Variants in DEAF1 observed in about 807,000 individuals in gnomAD.
DEAF1 encodes DEAF1 transcription factor, also known as deformed epidermal autoregulatory factor 1 homolog.
DEAF1 carries 53 observed loss-of-function variants against 58.9 expected under a neutral mutation model. The observed-to-expected ratio is 0.90, with a 90% CI of 0.72 to 1.13. DEAF1 has a LOEUF of 1.13. DEAF1 is among the 50% of genes most tolerant of loss of function. The pLI is 0.00. For missense variants in DEAF1, 685 were observed against 791.4 expected, an observed-to-expected ratio of 0.87 and a Z score of 1.61; for synonymous variants, 385 against 340.4, an observed-to-expected ratio of 1.13 and a Z score of -1.44.
chr11:667,380 G>C (rs987177893), intron 10 of DEAF1, among the ~76,000 whole-genome samples: 4 of 131,588 alleles, frequency 3.0e-5, no homozygotes, highest in African/African-American at 1.1e-4. Flanking sequence ...AGGAAGGAAG[G>C]AAGGAAGGAG....
Position 644,395 on chromosome 11 carries a change from C to T in DEAF1, c.*155G>A, listed in dbSNP as rs547492958. The stretch of plus-strand genomic sequence containing the variant: ...GGAGTGCGCTTCCCAGGGCACCATT[C>T]GCTTAAAGTGTGTTAATGACTTGTC... On this transcript the variant is annotated 3_prime_UTR_variant, in exon 12 of 12. Transcript: ENST00000382409. This position sits in a 1 kb window ranked among gnomAD's most constrained non-coding sequence, Gnocchi z 4.3. 1.1e-3 allele frequency: 754 copies of T among 688,590 alleles called. 10 individuals carry two copies. The highest frequency in any genetic ancestry group is 6.6e-3 in the South Asian group (417 of 63,608). 42.7% of individuals were successfully genotyped at this position (688,590 alleles called of 1,614,324 possible). A position where few individuals can be genotyped will look rare whatever the true frequency, so the allele number is the denominator to read the frequency against.
At chr11:670,748 T>G (rs1301064711) in intron 10 of DEAF1, among the ~76,000 whole-genome samples, 2 of 139,460 alleles carry the variant, frequency 1.4e-5, no homozygotes, top group East Asian at 4.4e-4. Flanking sequence ...ATTTTTTTCC[T>G]TTTTAATTTC....
chr11:706,111 T>A (rs2133487238), intron 1 of DEAF1: 1 of 151,178 alleles, frequency 6.6e-6, no homozygotes, highest in East Asian at 2.0e-4. Flanking sequence ...GCCCGCCCGC[T>A]CTCGGGTGAC....
At chr11:680,369 A>T (rs1162533923) in intron 7 of DEAF1, among the ~76,000 whole-genome samples, 1 of 152,238 alleles carries the variant, frequency 6.6e-6, no homozygotes, top group Non-Finnish European at 1.5e-5. Flanking sequence ...GCAAAAACCC[A>T]GACTTAGTTA....
chr11:683,232 T>C (rs1433560852), intron 6 of DEAF1, among the ~76,000 whole-genome samples: 1 of 152,222 alleles, frequency 6.6e-6, no homozygotes, highest in Non-Finnish European at 1.5e-5. Context: ...TGAAGTCCAA[T>C]CCAAGAAATC....
At chr11:672,329 GTTCA>G (rs1373516332) in intron 10 of DEAF1, among the ~76,000 whole-genome samples, 1 of 151,722 alleles carries the variant, frequency 6.6e-6, no homozygotes, top group Non-Finnish European at 1.5e-5. Flanking sequence ...GAGAATCACC[GTTCA>G]TTATGTGCTT....
At chr11:654,457 G>A (rs906119190) in intron 10 of DEAF1, among the ~76,000 whole-genome samples, 1 of 151,172 alleles carries the variant, frequency 6.6e-6, no homozygotes, top group African/African-American at 2.5e-5. Flanking sequence ...GAGCCACTGC[G>A]CCCAGCTCCC....
intron 1 of DEAF1, chr11:704,492 C>T (rs1394966609): frequency 1.3e-5 from 17 of 1,289,250 alleles, no homozygotes; most frequent in African/African-American, 3.0e-5. Context: ...CACACACCAG[C>T]GCCTGAGCGC....
intron 11 of DEAF1, among the ~76,000 whole-genome samples, chr11:652,562 C>T (rs538699533): frequency 6.6e-5 from 10 of 151,784 alleles, no homozygotes; most frequent in South Asian, 2.1e-4. Context: ...CACTTGAACC[C>T]GGGAGGCAGA....
upstream of DEAF1, among the ~76,000 whole-genome samples, chr11:696,133 G>C (rs537495307): frequency 6.6e-6 from 1 of 152,184 alleles, no homozygotes; most frequent in Non-Finnish European, 1.5e-5. Flanking sequence ...TGTCCCGCGC[G>C]TGGTTTTTGT....
At chr11:678,867 C>T (rs1860201641) in intron 8 of DEAF1, 45 bp from the exon 9 acceptor site, 18 of 1,610,472 alleles carry the variant, frequency 1.1e-5, no homozygotes, top group Non-Finnish European at 1.5e-5. Context: ...TGGTTGTCCG[C>T]ACAGCAGACT....
upstream of DEAF1, chr11:695,742 G>A (rs750732101): frequency 3.5e-4 from 437 of 1,240,214 alleles, no homozygotes; most frequent in Non-Finnish European, 4.0e-4. Context: ...CCTTCGTCAG[G>A]AGACGCGAAA....
At chr11:660,607 G>T (rs564525804) in intron 10 of DEAF1, among the ~76,000 whole-genome samples, 1 of 152,236 alleles carries the variant, frequency 6.6e-6, no homozygotes, top group African/African-American at 2.4e-5. Flanking sequence ...CGGGGATGGC[G>T]GGCTGCTCCC....
chr11:674,373 G>A, intron 10 of DEAF1, 163 bp downstream of exon 10: 2 of 1,019,282 alleles, frequency 2.0e-6, no homozygotes, highest in Non-Finnish European at 3.0e-6. Context: ...CTTTTCTTTA[G>A]GAAAAGCTTC....
chr11:694,853 T>G lies in DEAF1; in HGVS notation c.195A>C (p.Ala65=). 1 of 1,490,260 alleles carries G rather than the reference T, an allele frequency of 6.7e-7. No homozygotes were observed. The highest frequency in any genetic ancestry group is 8.9e-7 in the Non-Finnish European group (1 of 1,124,716). The allele number at this position is 1,490,260 out of a possible 1,614,324, so 92.3% of individuals were successfully genotyped here. Residue 65 remains alanine, a synonymous_variant, in exon 1 of 12, where the codon GCA becomes GCC. Coordinates refer to ENST00000382409, the MANE Select transcript of DEAF1 (RefSeq NM_021008.4). ...CGGGCTCCGCCGCCATCACCGCCAC[T>G]GCCGTGACCCGCGGCGTCTCCCGCT... The part of the protein sequence containing the change: ...EAERETPRVT[A]VAVMAAEPGH...
Position 694,895 on chromosome 11 carries a change from G to T in DEAF1, c.153C>A (p.Asp51Glu). ...TCTCCCGCTCCGCCTCCGAGTCTGC[G>T]TCCTCCTCCGAGTCCTCGTCCCTGC... ...VLSRDEDSEE[D>E]ADSEAERETP... The change falls in exon 1 of 12, where the codon GAC becomes GAA. Residue 51 changes from aspartate to glutamate, a missense_variant. Physicochemically the swap from Asp to Glu is conservative, Grantham distance 45. Transcript: ENST00000382409. 6.7e-7 allele frequency: 1 copy of T among 1,497,294 alleles called. No homozygotes were observed. 92.8% of individuals were successfully genotyped at this position (1,497,294 alleles called of 1,614,324 possible).
At chr11:666,228 T>A (rs956940772) in intron 10 of DEAF1, 3 of 152,172 alleles carry the variant, frequency 2.0e-5, no homozygotes, top group African/African-American at 7.2e-5. Flanking sequence ...GGGTGATCCA[T>A]AAGAATTCAG....
At chr11:657,012 G>C (rs1226770390) in intron 10 of DEAF1, among the ~76,000 whole-genome samples, 1 of 150,326 alleles carries the variant, frequency 6.7e-6, no homozygotes, top group Non-Finnish European at 1.5e-5. Flanking sequence ...ACACACAGGT[G>C]ACACCCTCAT....
intron 10 of DEAF1, chr11:674,272 A>C (rs1468251281): frequency 4.1e-6 from 2 of 486,870 alleles, no homozygotes; most frequent in East Asian, 4.0e-5. Context: ...GAGTATTCAC[A>C]ACGGCCGATG....
Sources: allele counts gnomAD v4.1 joint callset (sites outside exome capture counted in the v4.1 genomes callset), GRCh38; gene constraint gnomAD v4.1.1; non-coding constraint Gnocchi (gnomAD v3.1); transcripts MANE v1.5; gene names NCBI Gene and HGNC (gene_info 2026-07-23, HGNC 2026-07-21).